MTMR10: variants seen among roughly 807,000 people sequenced by gnomAD.
The protein encoded by MTMR10 is myotubularin-related protein 10.
In MTMR10, 56 loss-of-function variants were observed where a neutral mutation model predicts 88.1. The ratio of observed to expected loss-of-function variants is 0.64; its 90% CI spans 0.51 to 0.79. The LOEUF is 0.79. MTMR10 is among the 30% of genes least tolerant of loss of function. The pLI is 0.00. For missense variants in MTMR10, 883 were observed against 924.7 expected, an observed-to-expected ratio of 0.95 and a Z score of 0.58; for synonymous variants, 380 against 340.9, an observed-to-expected ratio of 1.11 and a Z score of -1.26.
At chr15:30,943,663 C>G (rs2063121229) in intron 14 of MTMR10, 3 of 985,304 alleles carry the variant, frequency 3.0e-6, no homozygotes, top group East Asian at 1.1e-4. Flanking sequence ...CAGGAGACCC[C>G]TCCTTCACAG....
chr15:30,941,211 G>C lies in MTMR10; in HGVS notation c.*259C>G, dbSNP rs918389897. The C allele has an allele frequency of 4.3e-6, 6 of 1,379,850 alleles. No individual in the cohort carries two copies. Among genetic ancestry groups the C allele is most frequent in the Non-Finnish European group, 5.7e-6 (6 of 1,048,726 alleles). The allele number at this position is 1,379,850 out of a possible 1,614,324, so 85.5% of individuals were successfully genotyped here. A position where few individuals can be genotyped will look rare whatever the true frequency, so the allele number is the denominator to read the frequency against. ...AAAAATGGATGGAGACAAAAATGTAGCAGACAACATGAACAGTTTGATCAC... is the reference window on the plus strand; with the variant it reads ...AAAAATGGATGGAGACAAAAATGTACCAGACAACATGAACAGTTTGATCAC... On this transcript the variant is annotated 3_prime_UTR_variant, in exon 16 of 16. Transcript: ENST00000435680.
chr15:30,979,054 G>A (rs936336024), intron 2 of MTMR10, among the ~76,000 whole-genome samples: 4 of 152,094 alleles, frequency 2.6e-5, no homozygotes, highest in African/African-American at 9.7e-5. Flanking sequence ...GATATGAATT[G>A]TAAGCAGGCC....
intron 6 of MTMR10, among the ~76,000 whole-genome samples, chr15:30,966,858 C>CTG (rs2063478355): frequency 7.6e-6 from 1 of 131,086 alleles, no homozygotes; most frequent in Non-Finnish European, 1.6e-5. Flanking sequence ...ACTGTATTTT[C>CTG]TTTTTTTTTT....
intron 2 of MTMR10, among the ~76,000 whole-genome samples, chr15:30,981,883 A>G (rs1261650141): frequency 6.6e-6 from 1 of 152,120 alleles, no homozygotes; most frequent in Non-Finnish European, 1.5e-5. Flanking sequence ...CAGCCTGGCC[A>G]ACATGGTAAA....
intron 9 of MTMR10, chr15:30,956,295 G>A (rs1312850694): frequency 6.6e-6 from 1 of 152,136 alleles, no homozygotes; most frequent in Non-Finnish European, 1.5e-5. Flanking sequence ...TTGTGCAAGG[G>A]CTATGCTAAC....
chr15:30,968,706 A>G (rs1011433306), intron 5 of MTMR10, among the ~76,000 whole-genome samples: 2 of 152,156 alleles, frequency 1.3e-5, no homozygotes, highest in African/African-American at 4.8e-5. Flanking sequence ...ACATGTGTGA[A>G]GTCATTTCCT....
the MTMR10 span, chr15:30,928,952 G>T: frequency 3.1e-6 from 1 of 326,362 alleles, no homozygotes; most frequent in Non-Finnish European, 4.4e-6. Flanking sequence ...CTGTGCCAAG[G>T]AGCTCACAGA....
At chr15:30,926,065 G>T in the MTMR10 span, 2 of 943,882 alleles carry the variant, frequency 2.1e-6, no homozygotes, top group Non-Finnish European at 1.6e-6. Flanking sequence ...GATGCTGTGG[G>T]CTGGGGGATG....
At chr15:30,928,578 C>G in the MTMR10 span, 3 of 1,612,076 alleles carry the variant, frequency 1.9e-6, no homozygotes, top group Non-Finnish European at 2.5e-6. Flanking sequence ...GGTCCACCTT[C>G]AGCACCCTGT....
the MTMR10 span, chr15:30,925,078 C>T: frequency 9.8e-5 from 152 of 1,551,610 alleles, 1 homozygote; most frequent in African/African-American, 1.8e-3. Context: ...GCATGGAAGC[C>T]GCCATGGGTT....
At chr15:30,985,520 G>A (rs2030885984) in intron 2 of MTMR10, among the ~76,000 whole-genome samples, 1 of 152,206 alleles carries the variant, frequency 6.6e-6, no homozygotes, top group African/African-American at 2.4e-5. Context: ...GCTCTGCCTT[G>A]CTAGCTGTGT....
chr15:30,966,480 C>T (rs2063473375), intron 6 of MTMR10, among the ~76,000 whole-genome samples: 1 of 152,156 alleles, frequency 6.6e-6, no homozygotes, highest in Non-Finnish European at 1.5e-5. Context: ...AAAACAGCAG[C>T]ATGAAGAACT....
At chr15:30,970,306 T>C (rs1298561813) in intron 5 of MTMR10, among the ~76,000 whole-genome samples, 1 of 151,646 alleles carries the variant, frequency 6.6e-6, no homozygotes, top group East Asian at 1.9e-4. Context: ...AGAGAAAAAA[T>C]ACAGAAAGTT....
At chr15:30,983,726 G>C (rs543920726) in intron 2 of MTMR10, among the ~76,000 whole-genome samples, 36 of 152,268 alleles carry the variant, frequency 2.4e-4, no homozygotes, top group South Asian at 2.3e-3. Context: ...GGTATTTTTA[G>C]CACTAAAACC....
rs1195081738 is a variant in MTMR10, at chr15:30,986,218, G to A, written c.121+4559C>T. Among the ~76,000 whole-genome samples, 5 of 152,184 alleles carry A rather than the reference G, an allele frequency of 3.3e-5. No individual in the cohort carries two copies. The South Asian group carries it at 8.3e-4, about 25-fold the overall frequency. ...TGTAGTCCTAGCTACTTGGGAGGCT[G>A]AGCTGTGAGGATCACTCGAGCCCAG... is the stretch of plus-strand genomic sequence containing the variant. On this transcript the variant is annotated intron_variant, in intron 2 of 15. Transcript: ENST00000435680.
chr15:30,958,352 G>C (rs2063355119), intron 9 of MTMR10, among the ~76,000 whole-genome samples: 1 of 152,248 alleles, frequency 6.6e-6, no homozygotes, highest in African/African-American at 2.4e-5. Context: ...CGGGTTTAAG[G>C]AGAGAGTGAT....
At chr15:30,988,933 T>C (rs1030890983) in intron 2 of MTMR10, among the ~76,000 whole-genome samples, 39 of 140,258 alleles carry the variant, frequency 2.8e-4, no homozygotes, top group African/African-American at 9.4e-4. Flanking sequence ...GAGGTTGCAG[T>C]GAGCCGAGAT....
intron 4 of MTMR10, 44 bp downstream of exon 4, chr15:30,974,887 C>A: frequency 7.9e-7 from 1 of 1,260,940 alleles, no homozygotes; most frequent in Non-Finnish European, 1.1e-6. Context: ...ATAATACTTC[C>A]AGAGTGGAAT....
rs529748832 is a variant in MTMR10 at position 30,941,259 on chromosome 15, A to C, written c.*211T>G. 23 of 1,466,824 alleles carry C rather than the reference A, an allele frequency of 1.6e-5. No homozygotes were observed. In the East Asian group the frequency reaches 5.8e-4, roughly 37 times the overall value. 90.9% of individuals were successfully genotyped at this position (1,466,824 alleles called of 1,614,324 possible). On this transcript the variant is annotated 3_prime_UTR_variant, in exon 16 of 16. Transcript: ENST00000435680. Reference sequence around the variant, plus strand: ...CACGGTTACAAGAGCCAGACCTGTAATGACAGAAAGAGGACAGGAACAAAA... The same window carrying C: ...CACGGTTACAAGAGCCAGACCTGTACTGACAGAAAGAGGACAGGAACAAAA...
Sources: allele counts gnomAD v4.1 joint callset (sites outside exome capture counted in the v4.1 genomes callset), GRCh38; gene constraint gnomAD v4.1.1; transcripts MANE v1.5; gene names NCBI Gene and HGNC (gene_info 2026-07-23, HGNC 2026-07-21).